GMEB1: variants seen among roughly 807,000 people sequenced by gnomAD.
The protein encoded by GMEB1 is glucocorticoid modulatory element-binding protein 1.
A neutral mutation model predicts 52.4 loss-of-function variants in GMEB1; 6 were observed. The observed-to-expected ratio is 0.11, with a 90% CI of 0.06 to 0.23. The LOEUF is 0.23. GMEB1 is among the 10% of genes least tolerant of loss of function. GMEB1 has a pLI of 1.00. For missense variants in GMEB1, 486 were observed against 685.6 expected (o/e 0.71, Z 3.25); for synonymous variants, 255 against 244.9 (o/e 1.04, Z -0.38).
chr1:28,680,152 C>G (rs969455107), intron 1 of GMEB1, among the ~76,000 whole-genome samples: 3 of 151,608 alleles, frequency 2.0e-5, no homozygotes, highest in Non-Finnish European at 2.9e-5. Flanking sequence ...AGGCCAAGGC[C>G]GGATGATCAC....
intron 1 of GMEB1, among the ~76,000 whole-genome samples, chr1:28,676,885 C>G (rs1297169218): frequency 1.3e-5 from 2 of 152,016 alleles, no homozygotes; most frequent in Non-Finnish European, 2.9e-5. Context: ...AACCCTGACT[C>G]TACTAAAAAT....
intron 4 of GMEB1, 93 bp downstream of exon 4, chr1:28,691,802 AG>A: frequency 5.5e-6 from 2 of 364,852 alleles, no homozygotes; most frequent in Non-Finnish European, 9.9e-6. Context: ...CCACTATATC[AG>A]TTTTATTTAT....
rs2124609080 is a variant in GMEB1, at chr1:28,717,038, CTT to C, written c.*2270_*2271del. ...ACTTGGACCTGTAGTTTTTTTTTTT[CTT>C]TTTTATTTTTAAGAAGGCACCTTTC... On this transcript the variant is annotated 3_prime_UTR_variant, in exon 10 of 10. Coordinates refer to ENST00000373816, the MANE Select transcript of GMEB1 (RefSeq NM_001319674.2). 6.8e-6 allele frequency: 1 copy of C among 146,482 alleles called. No individual in the cohort carries two copies. The highest frequency in any genetic ancestry group is 2.1e-4 in the East Asian group (1 of 4,806). The allele number at this position is 146,482 out of a possible 1,614,324, so 9.1% of individuals were successfully genotyped here. A position where few individuals can be genotyped will look rare whatever the true frequency, so the allele number is the denominator to read the frequency against.
At chr1:28,695,603 A>G (rs1279807668) in intron 5 of GMEB1, among the ~76,000 whole-genome samples, 1 of 151,878 alleles carries the variant, frequency 6.6e-6, no homozygotes, top group Non-Finnish European at 1.5e-5. Context: ...AAAAATTTTT[A>G]AATTATTTTA....
Position 28,697,024 on chromosome 1 carries a change from G to A in GMEB1, c.538G>A (p.Ala180Thr). 6.2e-7 allele frequency: 1 copy of A among 1,612,842 alleles called. No individual in the cohort carries two copies. Among genetic ancestry groups the A allele is most frequent in the Non-Finnish European group, 8.5e-7 (1 of 1,179,458 alleles). The change falls in exon 6 of 10, where the codon GCA becomes ACA. Residue 180 changes from alanine to threonine, a missense_variant. This residue lies in a region of GMEB1 where 200 missense variants were observed against 253.5 expected (regional missense o/e 0.79). Coordinates refer to ENST00000373816, the MANE Select transcript of GMEB1 (RefSeq NM_001319674.2). The part of the protein sequence containing the change: ...STKFDLLISS[A>T]RAPVPGQQTS... ...CAAATTTGATCTTCTGATCAGCAGT[G>A]CAAGAGCTCCAGTGCCAGGACAGCA...
chr1:28,671,759 A>AATAAATAT (rs1314949071), intron 1 of GMEB1, among the ~76,000 whole-genome samples: 1 of 151,728 alleles, frequency 6.6e-6, no homozygotes, highest in Non-Finnish European at 1.5e-5. Flanking sequence ...AAAATAAATA[A>AATAAATAT]ATAAATATAT....
chr1:28,688,753 A>C (rs1474940829), intron 2 of GMEB1, among the ~76,000 whole-genome samples: 3 of 151,928 alleles, frequency 2.0e-5, no homozygotes, highest in Non-Finnish European at 4.4e-5. Context: ...GTTTCCAGCA[A>C]GGGACATCAG....
chr1:28,672,112 C>CA (rs559906057), intron 1 of GMEB1, among the ~76,000 whole-genome samples: 1,488 of 140,072 alleles, frequency 0.011, 11 homozygotes, highest in Admixed American at 0.022. Context: ...AACTCCGTCT[C>CA]AAAAAAAAAA....
chr1:28,688,271 G>A (rs1003372281), intron 2 of GMEB1, among the ~76,000 whole-genome samples: 4 of 152,094 alleles, frequency 2.6e-5, no homozygotes, highest in East Asian at 1.9e-4. Flanking sequence ...CAATAAGAGC[G>A]AAACTCCGTC....
At chr1:28,701,913 G>A (rs1327833935) in intron 6 of GMEB1, among the ~76,000 whole-genome samples, 1 of 152,128 alleles carries the variant, frequency 6.6e-6, no homozygotes, top group Non-Finnish European at 1.5e-5. Flanking sequence ...CTGTGAATCT[G>A]CTATACATGA....
At position 28,670,692 on chromosome 1, in the gene GMEB1, T is replaced by C. The variant is rs548096797; in HGVS notation, c.-31+1853T>C. The stretch of plus-strand genomic sequence containing the variant: ...GTTTCACCATGTTAGCCAGGATGGT[T>C]TCGATCTCCTGACCTTGTGATTCGC... On this transcript the variant is annotated intron_variant, in intron 1 of 9. Transcript: ENST00000373816. Among the ~76,000 whole-genome samples, 378 of 152,040 alleles carry C rather than the reference T, an allele frequency of 2.5e-3. 1 individual carries two copies. Among genetic ancestry groups the C allele is most frequent in the South Asian group, 8.1e-3 (39 of 4,810 alleles).
chr1:28,691,016 C>A (rs574944953), intron 3 of GMEB1, among the ~76,000 whole-genome samples: 253 of 151,794 alleles, frequency 1.7e-3, no homozygotes, highest in Middle Eastern at 3.4e-3. Context: ...CTACACCAGG[C>A]GAGGTGACTC....
Position 28,690,176 on chromosome 1 carries a change from A to G in GMEB1, c.201A>G (p.Glu67=). Residue 67 remains glutamate, a synonymous_variant, in exon 3 of 10, where the codon GAA becomes GAG. Transcript: ENST00000373816. ...AAACTCACACGATACACAAAATTGA[A>G]GAAGGGATTGGTAAGGGTTTTTTTG... ...AVETHTIHKI[E]EGIDTGTIEA... 6.8e-7 allele frequency: 1 copy of G among 1,469,058 alleles called. No individual in the cohort carries two copies. The highest frequency in any genetic ancestry group is 9.4e-7 in the Non-Finnish European group (1 of 1,062,120). 91.0% of individuals were successfully genotyped at this position (1,469,058 alleles called of 1,614,324 possible).
chr1:28,691,182 C>T (rs1177678328), intron 3 of GMEB1, among the ~76,000 whole-genome samples: 2 of 151,796 alleles, frequency 1.3e-5, no homozygotes, highest in Non-Finnish European at 2.9e-5. Flanking sequence ...GTTATAATCC[C>T]AGCTACTTGG....
chr1:28,670,639 A>AT (rs932415842), intron 1 of GMEB1, among the ~76,000 whole-genome samples: 6 of 150,730 alleles, frequency 4.0e-5, no homozygotes, highest in African/African-American at 7.3e-5. Flanking sequence ...AACCAGGCTA[A>AT]TTTTTTTGTG....
chr1:28,709,626 G>A (rs1383077340), intron 8 of GMEB1, among the ~76,000 whole-genome samples: 2 of 152,068 alleles, frequency 1.3e-5, no homozygotes, highest in Non-Finnish European at 2.9e-5. Flanking sequence ...CCAGGCTGGA[G>A]TGCAGTGGCA....
At chr1:28,689,912 C>A in intron 2 of GMEB1, 192 bp from the exon 3 acceptor site, 1 of 470,626 alleles carries the variant, frequency 2.1e-6, no homozygotes. Flanking sequence ...GATTCATTTT[C>A]ATGGTAGAAG....
At chr1:28,669,415 G>C (rs1668776134) in intron 1 of GMEB1, among the ~76,000 whole-genome samples, 1 of 152,132 alleles carries the variant, frequency 6.6e-6, no homozygotes, top group African/African-American at 2.4e-5. Flanking sequence ...CCTGGGAGGA[G>C]ACCCTCTCGG....
chr1:28,686,418 C>G (rs186151500), intron 2 of GMEB1, among the ~76,000 whole-genome samples: 22 of 152,008 alleles, frequency 1.4e-4, no homozygotes, highest in Admixed American at 1.4e-3. Flanking sequence ...GTGGGCAGAT[C>G]AGGAGTTCGA....
Sources: gnomAD v4.1 joint callset for allele counts (sites outside exome capture counted in the v4.1 genomes callset) on GRCh38, gnomAD v4.1.1 for gene constraint, gnomAD v4.1.1 regional missense constraint, MANE v1.5 for transcripts, NCBI Gene and HGNC (gene_info 2026-07-23, HGNC 2026-07-21) for gene names.